KANSL1: variants seen among roughly 807,000 people sequenced by gnomAD.
The protein encoded by KANSL1 is KAT8 regulatory NSL complex subunit 1, also known as MLL1/MLL complex subunit KANSL1.
KANSL1 carries 22 observed loss-of-function variants against 103.6 expected under a neutral mutation model. The ratio of observed to expected loss-of-function variants is 0.21; its 90% CI spans 0.15 to 0.30. The LOEUF is 0.30. Among genes scored for constraint, KANSL1 ranks in the 10% least tolerant of loss-of-function variants. The pLI is 1.00. For synonymous variants in KANSL1, 600 were observed against 527.6 expected, an observed-to-expected ratio of 1.14 and a Z score of -1.88; for missense variants, 1,337 against 1,399.8, an observed-to-expected ratio of 0.96 and a Z score of 0.72.
chr17:46,135,541 CAT>C (rs1491172365), intron 2 of KANSL1, among the ~76,000 whole-genome samples: 4 of 117,654 alleles, frequency 3.4e-5, no homozygotes, highest in African/African-American at 1.4e-4. Flanking sequence ...CTCAACTATA[CAT>C]TTTTTTTTTT....
intron 2 of KANSL1, among the ~76,000 whole-genome samples, chr17:46,137,084 G>C (rs1277770302): frequency 6.6e-6 from 1 of 152,002 alleles, no homozygotes; most frequent in African/African-American, 2.4e-5. Flanking sequence ...CACAGAAACA[G>C]CAAGTGCACT....
intron 2 of KANSL1, among the ~76,000 whole-genome samples, chr17:46,103,596 G>A (rs895811908): frequency 2.9e-4 from 44 of 152,258 alleles, no homozygotes; most frequent in African/African-American, 9.4e-4. Context: ...TCACAAGCTC[G>A]TAACACGCTC....
chr17:46,034,017 A>G, intron 11 of KANSL1, 144 bp downstream of exon 11: 1 of 1,013,696 alleles, frequency 9.9e-7, no homozygotes, highest in Non-Finnish European at 1.4e-6. Flanking sequence ...ATACAGAAAT[A>G]ATTTCGTTCT....
intron 2 of KANSL1, among the ~76,000 whole-genome samples, chr17:46,106,684 C>T (rs1046451337): frequency 2.6e-5 from 4 of 152,130 alleles, no homozygotes; most frequent in East Asian, 1.9e-4. Flanking sequence ...TGAGCCAATG[C>T]GCCCAGCTGA....
intron 2 of KANSL1, among the ~76,000 whole-genome samples, chr17:46,151,811 G>A (rs1055730658): frequency 2.6e-5 from 4 of 152,234 alleles, no homozygotes; most frequent in Non-Finnish European, 5.9e-5. Context: ...TTAATTTGGG[G>A]CTTTAGGGAA....
intron 6 of KANSL1, among the ~76,000 whole-genome samples, chr17:46,065,513 C>T (rs17575773): frequency 0.14 from 21,790 of 152,184 alleles, 2,125 homozygotes; most frequent in Non-Finnish European, 0.22. Context: ...ATCAACCAGA[C>T]ATCCCAATAA....
intron 2 of KANSL1, among the ~76,000 whole-genome samples, chr17:46,106,632 A>T (rs894403142): frequency 6.6e-6 from 1 of 152,132 alleles, no homozygotes; most frequent in Admixed American, 6.6e-5. Flanking sequence ...ACCTCAGGTG[A>T]TCTACCCACC....
At chr17:46,224,038 T>C (rs866467616), upstream of KANSL1, among the ~76,000 whole-genome samples, 894 of 151,816 alleles carry the variant, frequency 5.9e-3, no homozygotes, top group South Asian at 0.01. Flanking sequence ...TAATGTAAAA[T>C]TGCTTATCAA....
intron 2 of KANSL1, among the ~76,000 whole-genome samples, chr17:46,137,008 T>A (rs954635923): frequency 6.6e-6 from 1 of 152,200 alleles, no homozygotes; most frequent in East Asian, 1.9e-4. Flanking sequence ...TTAAAACACT[T>A]CTCTTGAACA....
chr17:46,112,459 C>A (rs971543118), intron 2 of KANSL1, among the ~76,000 whole-genome samples: 1 of 145,478 alleles, frequency 6.9e-6, no homozygotes, highest in African/African-American at 2.6e-5. Context: ...CTGAGGCGAG[C>A]GGATCACCTG....
intron 3 of KANSL1, among the ~76,000 whole-genome samples, chr17:46,090,482 C>T (rs942676781): frequency 2.0e-5 from 3 of 152,222 alleles, no homozygotes; most frequent in South Asian, 2.1e-4. Context: ...TTCTTCCTAT[C>T]GGAACTCTGA....
intron 6 of KANSL1, among the ~76,000 whole-genome samples, chr17:46,060,787 T>A (rs2078129425): frequency 6.6e-6 from 1 of 152,210 alleles, no homozygotes; most frequent in Admixed American, 6.5e-5. Flanking sequence ...CCCTGATGTC[T>A]ACAGGAAACC....
intron 1 of KANSL1, among the ~76,000 whole-genome samples, chr17:46,204,734 A>G (rs1055713770): frequency 1.3e-5 from 2 of 152,264 alleles, no homozygotes; most frequent in African/African-American, 4.8e-5. Context: ...ACATATTAAA[A>G]GGCTTATACA....
intron 2 of KANSL1, among the ~76,000 whole-genome samples, chr17:46,161,016 A>T (rs946025934): frequency 6.6e-6 from 1 of 152,326 alleles, no homozygotes; most frequent in Middle Eastern, 3.4e-3. Flanking sequence ...ATTTGTAAAA[A>T]GCTCTTTATA....
At position 46,030,058 on chromosome 17, in the gene KANSL1, T is replaced by G. The variant is rs1598437043; in HGVS notation, c.*1418A>C. The G allele has an allele frequency of 1.3e-5, 2 of 152,080 alleles. No individual in the cohort carries two copies. Among genetic ancestry groups the G allele is most frequent in the Admixed American group, 1.3e-4 (2 of 15,198 alleles). 9.4% of individuals were successfully genotyped at this position (152,080 alleles called of 1,614,324 possible). On this transcript the variant is annotated 3_prime_UTR_variant, in exon 15 of 15. Transcript: ENST00000432791. ...AGCATTTCTATAGAACAAAGACAGC[T>G]ACATGTTTCGCTGCCATTACACAGC...
intron 1 of KANSL1, among the ~76,000 whole-genome samples, chr17:46,189,208 G>A (rs1351680021): frequency 2.0e-5 from 3 of 151,884 alleles, no homozygotes; most frequent in East Asian, 1.9e-4. Context: ...GAATCACAGC[G>A]AGACCCCGAG....
At chr17:46,196,337 T>C (rs566483727), upstream of KANSL1, 334 of 456,368 alleles carry the variant, frequency 7.3e-4, 1 homozygote, top group Non-Finnish European at 1.2e-3. Context: ...TGATTAGTTT[T>C]AACCCATTCT....
At chr17:46,141,072 TA>T (rs374950728) in intron 2 of KANSL1, among the ~76,000 whole-genome samples, 350 of 145,316 alleles carry the variant, frequency 2.4e-3, no homozygotes, top group South Asian at 3.2e-3. Context: ...CCTGTTTGTT[TA>T]AAAAAAAAAA....
At chr17:46,063,530 T>G (rs2078254162) in intron 6 of KANSL1, among the ~76,000 whole-genome samples, 1 of 152,230 alleles carries the variant, frequency 6.6e-6, no homozygotes, top group Non-Finnish European at 1.5e-5. Flanking sequence ...GAACTCCAGC[T>G]TTCTGCTAGA....
Sources: allele counts gnomAD v4.1 joint callset (sites outside exome capture counted in the v4.1 genomes callset), GRCh38; gene constraint gnomAD v4.1.1; transcripts MANE v1.5; gene names NCBI Gene and HGNC (gene_info 2026-07-23, HGNC 2026-07-21).